Variants in ZFPM1 observed in about 807,000 individuals in gnomAD.
The protein encoded by ZFPM1 is zinc finger protein, FOG family member 1.
ZFPM1 carries 28 observed loss-of-function variants against 46.3 expected under a neutral mutation model. The observed-to-expected ratio is 0.60, with a 90% CI of 0.45 to 0.83. The LOEUF is 0.83. ZFPM1 is among the 40% of genes least tolerant of loss of function. The probability of loss-of-function intolerance (pLI) is 0.00; values close to 1 mark genes in which losing one functional copy is unlikely to be tolerated. For missense variants in ZFPM1, 1,878 were observed against 1,432.4 expected (o/e 1.31, Z -5.02); for synonymous variants, 957 against 675.9 (o/e 1.42, Z -6.45).
At position 88,535,242 on chromosome 16, in the gene ZFPM1, C is replaced by T. The variant is rs182098691; in HGVS notation, c.*263C>T. Reference sequence around the variant, plus strand: ...GTCACATCCAGCCCTGCTGTGTACACAGGCCACTGCGGCCCGGAGTGGCTG... The same window carrying T: ...GTCACATCCAGCCCTGCTGTGTACATAGGCCACTGCGGCCCGGAGTGGCTG... On this transcript the variant is annotated 3_prime_UTR_variant, in exon 10 of 10. Transcript: ENST00000319555. 3.8e-3 allele frequency: 1,200 copies of T among 319,532 alleles called. 32 individuals are homozygous for T. The Admixed American group carries it at 0.053, about 14-fold the overall frequency. The allele number at this position is 319,532 out of a possible 1,614,324, so 19.8% of individuals were successfully genotyped here. A position where few individuals can be genotyped will look rare whatever the true frequency, so the allele number is the denominator to read the frequency against.
chr16:88,523,426 C>T (rs931087055), intron 4 of ZFPM1, among the ~76,000 whole-genome samples: 4 of 152,228 alleles, frequency 2.6e-5, no homozygotes, highest in African/African-American at 9.6e-5. Context: ...CCTGCCCCAG[C>T]GTCTCCTGGC....
chr16:88,495,904 G>A (rs912106910), intron 3 of ZFPM1, among the ~76,000 whole-genome samples: 2 of 152,194 alleles, frequency 1.3e-5, no homozygotes, highest in Admixed American at 6.5e-5. Flanking sequence ...TAAGGCAAGA[G>A]GAGCACAGGG....
intron 1 of ZFPM1, among the ~76,000 whole-genome samples, chr16:88,461,258 T>A (rs1239970182): frequency 1.4e-5 from 2 of 146,294 alleles, no homozygotes; most frequent in South Asian, 4.4e-4. Context: ...GAGGCCCTGG[T>A]GAGGACCGAC....
chr16:88,454,429 G>C (rs1300351359), intron 1 of ZFPM1, among the ~76,000 whole-genome samples: 2 of 152,168 alleles, frequency 1.3e-5, no homozygotes, highest in African/African-American at 4.8e-5. Context: ...GGCAACAAAT[G>C]GTGCCCTCGG....
intron 4 of ZFPM1, among the ~76,000 whole-genome samples, chr16:88,524,377 C>T (rs1158348228): frequency 2.0e-5 from 3 of 152,230 alleles, no homozygotes; most frequent in Admixed American, 6.5e-5. Flanking sequence ...AAGCCCCCAT[C>T]GGAGCCGGCA....
At position 88,528,111 on chromosome 16, in the gene ZFPM1, C is replaced by G; in HGVS notation, c.585C>G (p.His195Gln). 1 of 1,586,890 alleles carries G rather than the reference C, an allele frequency of 6.3e-7. No homozygotes were observed. The highest frequency in any genetic ancestry group is 8.6e-7 in the Non-Finnish European group (1 of 1,167,698). ...LLSVLLTAEPHSTPGHPVKKE... is the reference protein window; with the variant it reads ...LLSVLLTAEPQSTPGHPVKKE... ...GCGTGCTCCTCACGGCCGAGCCCCA[C>G]AGCACCCCCGGCCACCCTGTGAAGA... is the stretch of plus-strand genomic sequence containing the variant. The change falls in exon 6 of 10, where the codon CAC (histidine) becomes CAG (glutamine). Residue 195 changes from histidine to glutamine, a missense_variant. His to Gln is a conservative substitution (Grantham distance 24). Transcript: ENST00000319555.
intron 1 of ZFPM1, among the ~76,000 whole-genome samples, chr16:88,467,635 A>G (rs1323804376): frequency 6.6e-6 from 1 of 152,162 alleles, no homozygotes; most frequent in Non-Finnish European, 1.5e-5. Context: ...CGGGCCTCGC[A>G]GCTGCCTTGG....
At chr16:88,519,515 G>C (rs186427216) in intron 4 of ZFPM1, among the ~76,000 whole-genome samples, 1 of 150,534 alleles carries the variant, frequency 6.6e-6, no homozygotes, top group East Asian at 2.0e-4. Context: ...TGGGTAGATA[G>C]ATGAATGGAT....
intron 2 of ZFPM1, among the ~76,000 whole-genome samples, chr16:88,486,586 C>A (rs886924705): frequency 1.4e-5 from 2 of 146,922 alleles, no homozygotes; most frequent in Admixed American, 6.8e-5. Context: ...GCTAGGTGCA[C>A]CATGGGCGCT....
At chr16:88,467,686 TG>T (rs1351510230) in intron 1 of ZFPM1, among the ~76,000 whole-genome samples, 5 of 152,146 alleles carry the variant, frequency 3.3e-5, no homozygotes, top group Non-Finnish European at 5.9e-5. Context: ...GGCTGGCTGC[TG>T]GGCGTGTTGG....
intron 1 of ZFPM1, among the ~76,000 whole-genome samples, chr16:88,472,647 C>T (rs1404956099): frequency 6.6e-6 from 1 of 152,176 alleles, no homozygotes; most frequent in African/African-American, 2.4e-5. Flanking sequence ...CCACTGCGCC[C>T]GGCCTGAATT....
At chr16:88,528,262 C>G in intron 6 of ZFPM1, 24 bp downstream of exon 6, 2 of 1,566,834 alleles carry the variant, frequency 1.3e-6, no homozygotes, top group Non-Finnish European at 8.7e-7. Context: ...TCTCCGCACC[C>G]AGGGCGGCTG....
chr16:88,516,744 C>T lies in ZFPM1; in HGVS notation c.402+2224C>T, dbSNP rs528489606. On this transcript the variant is annotated intron_variant, in intron 4 of 9. Coordinates refer to ENST00000319555, the MANE Select transcript of ZFPM1 (RefSeq NM_153813.3). ...CTCCCCGACCCCTCCCTGAGGAGGA[C>T]GTTGCCTCCTGCCCGGATCGCCCCA... 5.1e-5 allele frequency: 20 copies of T among 395,472 alleles called. No individual in the cohort carries two copies. The South Asian group carries it at 5.6e-4, about 11-fold the overall frequency. 24.5% of individuals were successfully genotyped at this position (395,472 alleles called of 1,614,324 possible).
chr16:88,455,219 C>T (rs2142332607), intron 1 of ZFPM1, among the ~76,000 whole-genome samples: 1 of 151,690 alleles, frequency 6.6e-6, no homozygotes, highest in East Asian at 2.0e-4. Context: ...ACAGGGAGAT[C>T]GCAGGTTGGA....
In ZFPM1 at chr16:88,526,910, AG is replaced by A; in HGVS notation, c.501del (p.Lys168ArgfsTer19). 6.4e-7 allele frequency: 1 copy of A among 1,572,204 alleles called. No homozygotes were observed. The highest frequency in any genetic ancestry group is 8.6e-7 in the Non-Finnish European group (1 of 1,158,630). On this transcript the variant is annotated frameshift_variant, in exon 5 of 10. Coordinates refer to ENST00000319555, the MANE Select transcript of ZFPM1 (RefSeq NM_153813.3). LOFTEE classifies it high-confidence loss of function. ...TEAEANTEIH[R>X]KDDALWCRVT... ...GGCCGAGGCCAACACAGAGATCCAC[AG>A]GAAGGGTCAGTATGACGCGGCACCT...
chr16:88,511,856 G>T (rs373564006), intron 3 of ZFPM1, among the ~76,000 whole-genome samples: 2 of 152,148 alleles, frequency 1.3e-5, no homozygotes, highest in African/African-American at 4.8e-5. Context: ...CACCTTTCCC[G>T]TGCACAGCCC....
At chr16:88,501,482 G>A (rs1466591961) in intron 3 of ZFPM1, among the ~76,000 whole-genome samples, 11 of 142,104 alleles carry the variant, frequency 7.7e-5, no homozygotes, top group East Asian at 2.1e-4. Context: ...GCAGACATGG[G>A]TGCGTGGGCC....
At chr16:88,465,890 G>C (rs762958224) in intron 1 of ZFPM1, among the ~76,000 whole-genome samples, 1 of 152,222 alleles carries the variant, frequency 6.6e-6, no homozygotes, top group East Asian at 1.9e-4. Context: ...CTGAGGGACA[G>C]GTGAAGCAGC....
intron 3 of ZFPM1, among the ~76,000 whole-genome samples, chr16:88,507,415 GTTT>G (rs1910722615): frequency 6.6e-6 from 1 of 152,174 alleles, no homozygotes; most frequent in Admixed American, 6.5e-5. Flanking sequence ...GTCCCTTTAT[GTTT>G]CTTGACTTGG....
Sources: allele counts gnomAD v4.1 joint callset (sites outside exome capture counted in the v4.1 genomes callset), GRCh38; gene constraint gnomAD v4.1.1; transcripts MANE v1.5; gene names NCBI Gene and HGNC (gene_info 2026-07-23, HGNC 2026-07-21).